RPN2: variants seen among roughly 807,000 people sequenced by gnomAD.
RPN2 encodes the protein dolichyl-diphosphooligosaccharide--protein glycosyltransferase subunit 2.
RPN2 carries 29 observed loss-of-function variants against 71.4 expected under a neutral mutation model. That is an observed-to-expected ratio of 0.41 (90% confidence interval 0.30 to 0.55). The LOEUF is 0.55. Ranked by LOEUF, RPN2 falls within the 20% of genes least tolerant of loss-of-function variation. The pLI is 0.35. For missense variants in RPN2, 726 were observed against 774.1 expected, an observed-to-expected ratio of 0.94 and a Z score of 0.74; for synonymous variants, 308 against 305.0, an observed-to-expected ratio of 1.01 and a Z score of -0.10.
intron 11 of RPN2, among the ~76,000 whole-genome samples, chr20:37,226,698 A>G (rs1179776241): frequency 1.3e-5 from 2 of 152,136 alleles, no homozygotes; most frequent in Admixed American, 1.3e-4. Context: ...TTTTTTTCAT[A>G]GAGTAATGAA....
At chr20:37,191,301 A>T (rs1019707223) in intron 2 of RPN2, among the ~76,000 whole-genome samples, 5 of 152,006 alleles carry the variant, frequency 3.3e-5, no homozygotes, top group Non-Finnish European at 7.4e-5. Context: ...ACACGGCAAA[A>T]CCCTGTCTTT....
intron 16 of RPN2, among the ~76,000 whole-genome samples, chr20:37,240,281 G>A (rs1202419688): frequency 6.6e-6 from 1 of 152,168 alleles, no homozygotes; most frequent in Non-Finnish European, 1.5e-5. Context: ...CTACCCTTCG[G>A]CTGTTCTTAT....
In RPN2 at chr20:37,236,586, T is replaced by A; in HGVS notation, c.1760T>A (p.Leu587Gln). The part of the protein sequence containing the change: ...IIFHLGHAAM[L>Q]GLMYVYWTQL... Reference sequence around the variant, plus strand: ...ATGACACCTCTTCTTGCAGCTATGCTGGGACTCATGTATGTCTACTGGACT... The same window carrying A: ...ATGACACCTCTTCTTGCAGCTATGCAGGGACTCATGTATGTCTACTGGACT... Residue 587 changes from leucine to glutamine, a missense_variant, in exon 16 of 17, where the codon CTG becomes CAG. Coordinates refer to ENST00000237530, the MANE Select transcript of RPN2 (RefSeq NM_002951.5). 6.2e-7 allele frequency: 1 copy of A among 1,614,166 alleles called. No individual in the cohort carries two copies. The highest frequency in any genetic ancestry group is 8.5e-7 in the Non-Finnish European group (1 of 1,179,994).
At chr20:37,233,931 G>A in intron 14 of RPN2, 89 bp from the exon 15 acceptor site, 5 of 1,404,668 alleles carry the variant, frequency 3.6e-6, no homozygotes, top group Non-Finnish European at 5.0e-6. Context: ...AAGCCTTGGG[G>A]CTGTTGATGG....
chr20:37,201,059 C>G (rs989768651), intron 4 of RPN2, among the ~76,000 whole-genome samples: 3 of 151,856 alleles, frequency 2.0e-5, no homozygotes. Flanking sequence ...TGAGCCTTGC[C>G]TTTAAAATGA....
intron 2 of RPN2, among the ~76,000 whole-genome samples, chr20:37,191,260 T>A (rs1467419842): frequency 6.6e-6 from 1 of 152,148 alleles, no homozygotes. Flanking sequence ...GTGGATCCCT[T>A]GAGGTCAGGA....
intron 9 of RPN2, among the ~76,000 whole-genome samples, chr20:37,214,396 A>G (rs948310889): frequency 6.6e-5 from 10 of 152,234 alleles, no homozygotes; most frequent in Admixed American, 5.9e-4. Context: ...TTAAGGATAG[A>G]AAGCCTTATT....
rs554900427 is a variant in RPN2 at position 37,197,635 on chromosome 20, C to T, written c.208-762C>T. Reference sequence around the variant, plus strand: ...TTTTTATTTTTTTGGGGGACTGGGTCTCGCTCTGTCTCCCAGACTGGAGTG... The same window carrying T: ...TTTTTATTTTTTTGGGGGACTGGGTTTCGCTCTGTCTCCCAGACTGGAGTG... On this transcript the variant is annotated intron_variant, in intron 2 of 16. Transcript: ENST00000237530. 3.3e-5 allele frequency among the ~76,000 whole-genome samples: 5 copies of T among 152,228 alleles called. No individual in the cohort carries two copies. The South Asian group carries it at 1.0e-3, about 32-fold the overall frequency.
At chr20:37,206,208 T>TA (rs1568976984) in intron 6 of RPN2, among the ~76,000 whole-genome samples, 2 of 152,232 alleles carry the variant, frequency 1.3e-5, no homozygotes, top group African/African-American at 2.4e-5. Context: ...TCCACTTTTT[T>TA]AAAAAATTGC....
intron 1 of RPN2, 140 bp from the exon 2 acceptor site, chr20:37,184,040 T>G: frequency 1.0e-6 from 1 of 960,294 alleles, no homozygotes; most frequent in Non-Finnish European, 1.6e-6. Flanking sequence ...TCCCAAGGCT[T>G]CTCCTCAGGT....
At chr20:37,233,793 C>T (rs151223508) in intron 14 of RPN2, among the ~76,000 whole-genome samples, 6 of 152,284 alleles carry the variant, frequency 3.9e-5, no homozygotes, top group Admixed American at 6.5e-5. Context: ...TTGAGTTACA[C>T]GAGCCCATTT....
intron 10 of RPN2, 49 bp from the exon 11 acceptor site, chr20:37,225,638 CA>C (rs748800803): frequency 1.6e-6 from 2 of 1,240,022 alleles, no homozygotes. Flanking sequence ...TGCCTGTTCT[CA>C]GAGATATACT....
At chr20:37,217,679 T>A (rs2067846070) in intron 9 of RPN2, among the ~76,000 whole-genome samples, 1 of 152,156 alleles carries the variant, frequency 6.6e-6, no homozygotes, top group South Asian at 2.1e-4. Context: ...TTTTCCACAT[T>A]GCAGGCCCTT....
intron 9 of RPN2, among the ~76,000 whole-genome samples, chr20:37,216,146 C>G (rs1342846112): frequency 6.6e-6 from 1 of 152,094 alleles, no homozygotes; most frequent in East Asian, 1.9e-4. Context: ...CAATACTAGC[C>G]TGGCCAACAT....
chr20:37,215,182 T>C (rs1351313035), intron 9 of RPN2, among the ~76,000 whole-genome samples: 2 of 152,236 alleles, frequency 1.3e-5, no homozygotes, highest in Non-Finnish European at 2.9e-5. Context: ...GTTTGGCCTT[T>C]GGAGAGCTCC....
Position 37,198,510 on chromosome 20 carries a change from C to G in RPN2, c.303+18C>G, listed in dbSNP as rs369755057. The G allele has an allele frequency of 1.7e-5, 27 of 1,614,000 alleles. No individual in the cohort carries two copies. The highest frequency in any genetic ancestry group is 2.2e-5 in the Non-Finnish European group (26 of 1,180,036). Reference sequence around the variant, plus strand: ...GATGTGAGGTGAGTCCGGGTTCCTACGCTGACAATGACTTTAACTATTTAA... The same window carrying G: ...GATGTGAGGTGAGTCCGGGTTCCTAGGCTGACAATGACTTTAACTATTTAA... On this transcript the variant is annotated intron_variant, in intron 3 of 16. Coordinates refer to ENST00000237530, the MANE Select transcript of RPN2 (RefSeq NM_002951.5).
intron 4 of RPN2, among the ~76,000 whole-genome samples, chr20:37,202,563 C>T (rs527737604): frequency 1.3e-5 from 2 of 152,246 alleles, no homozygotes; most frequent in South Asian, 4.1e-4. Flanking sequence ...CCTCTCCTCT[C>T]CCAGTTTCAC....
intron 8 of RPN2, 60 bp from the exon 9 acceptor site, chr20:37,213,700 T>G: frequency 7.7e-7 from 1 of 1,296,652 alleles, no homozygotes; most frequent in Non-Finnish European, 1.1e-6. Context: ...TAGCTCCTGT[T>G]TGTTATATCC....
intron 14 of RPN2, among the ~76,000 whole-genome samples, 174 bp from the exon 15 acceptor site, chr20:37,233,846 G>T (rs1347304474): frequency 6.6e-6 from 1 of 152,216 alleles, no homozygotes; most frequent in African/African-American, 2.4e-5. Context: ...AAGGGAACAA[G>T]TTTCCCCGAG....
Sources: gnomAD v4.1 joint callset for allele counts (sites outside exome capture counted in the v4.1 genomes callset) on GRCh38, gnomAD v4.1.1 for gene constraint, MANE v1.5 for transcripts, NCBI Gene and HGNC (gene_info 2026-07-23, HGNC 2026-07-21) for gene names.